The following PSMF1 variants were observed in gnomAD, a reference collection of about 807,000 sequenced individuals.
The protein encoded by PSMF1 is proteasome inhibitor PI31 subunit.
In PSMF1, 30 loss-of-function variants were observed where a neutral mutation model predicts 29.3. The observed-to-expected ratio is 1.02, with a 90% confidence interval of 0.77 to 1.39. The LOEUF is 1.39. Ranked by LOEUF, PSMF1 falls within the 40% of genes most tolerant of loss-of-function variation. The pLI is 0.00. For missense variants in PSMF1, 344 were observed against 357.5 expected (o/e 0.96, Z 0.31); for synonymous variants, 134 against 139.7 (o/e 0.96, Z 0.29).
chr20:1,168,329 T>C lies in PSMF1; in HGVS notation c.*3249T>C, dbSNP rs2122632068. ...ACTTTGGTTTGGTTTGAAATTTCTT[T>C]GTTTATCCAGTGAATTACAAGTAGA... On this transcript the variant is annotated 3_prime_UTR_variant, in exon 7 of 7. Transcript: ENST00000335877. 6.6e-6 allele frequency: 1 copy of C among 152,384 alleles called. No individual in the cohort carries two copies. The highest frequency in any genetic ancestry group is 1.5e-5 in the Non-Finnish European group (1 of 68,044). 9.4% of individuals were successfully genotyped at this position (152,384 alleles called of 1,614,324 possible). A position where few individuals can be genotyped will look rare whatever the true frequency, so the allele number is the denominator to read the frequency against.
At chr20:1,128,741 A>AT (rs2086192526) in intron 3 of PSMF1, among the ~76,000 whole-genome samples, 2 of 151,464 alleles carry the variant, frequency 1.3e-5, no homozygotes, top group African/African-American at 4.9e-5. Flanking sequence ...ATTTTATTTT[A>AT]TTTTTTTGAG....
chr20:1,159,144 G>GTTGAA (rs2086634560), intron 4 of PSMF1, among the ~76,000 whole-genome samples: 1 of 152,026 alleles, frequency 6.6e-6, no homozygotes, highest in African/African-American at 2.4e-5. Context: ...GTGAGTCTTT[G>GTTGAA]TTGAATATGA....
chr20:1,126,409 A>G (rs2086156964), intron 2 of PSMF1, among the ~76,000 whole-genome samples: 1 of 152,128 alleles, frequency 6.6e-6, no homozygotes, highest in African/African-American at 2.4e-5. Flanking sequence ...TGACATGGAA[A>G]TACATATAGA....
intron 3 of PSMF1, 59 bp downstream of exon 3, chr20:1,127,567 T>C (rs567231938): frequency 1.4e-5 from 19 of 1,374,138 alleles, no homozygotes; most frequent in East Asian, 2.3e-5. Flanking sequence ...TGGCAAGATA[T>C]GAGGAATAGG....
chr20:1,122,315 T>A (rs76296624), intron 1 of PSMF1, among the ~76,000 whole-genome samples: 6 of 111,134 alleles, frequency 5.4e-5, no homozygotes, highest in African/African-American at 1.1e-4. Flanking sequence ...TTTTTTTTTT[T>A]AATCCGAGAT....
In PSMF1 at chr20:1,118,689, G is replaced by A. The variant is rs955065051; in HGVS notation, c.-85G>A. On this transcript the variant is annotated 5_prime_UTR_variant, in exon 1 of 7. Coordinates refer to ENST00000335877, the MANE Select transcript of PSMF1 (RefSeq NM_006814.5). ...AGAACCAGCGCAAGAGGGAAGCAGA[G>A]TTATAGCTACCCCGGCCGCGGAGCC... The A allele has an allele frequency of 6.8e-7, 1 of 1,466,068 alleles. No homozygotes were observed. Among genetic ancestry groups the A allele is most frequent in the Non-Finnish European group, 9.2e-7 (1 of 1,081,966 alleles). 90.8% of individuals were successfully genotyped at this position (1,466,068 alleles called of 1,614,324 possible).
chr20:1,136,019 A>G (rs915221430), intron 4 of PSMF1, among the ~76,000 whole-genome samples: 2 of 152,200 alleles, frequency 1.3e-5, no homozygotes, highest in African/African-American at 4.8e-5. Context: ...TAAGCACTTA[A>G]TAAATGTAGA....
At chr20:1,114,578 TTGAAC>T (rs1486895398), upstream of PSMF1, among the ~76,000 whole-genome samples, 7 of 45,910 alleles carry the variant, frequency 1.5e-4, no homozygotes, top group South Asian at 1.0e-3. Context: ...CAAACCAGTG[TTGAAC>T]CAAGGGGTGG....
chr20:1,119,051 C>G (rs1458329059), intron 1 of PSMF1, 149 bp downstream of exon 1: 1 of 1,139,896 alleles, frequency 8.8e-7, no homozygotes, highest in South Asian at 1.5e-5. Context: ...ACCTGCGGGT[C>G]GGAGGTTGCT....
In PSMF1 at chr20:1,163,201, G is replaced by A. The variant is rs1230234398; in HGVS notation, c.605+18G>A. On this transcript the variant is annotated intron_variant, in intron 5 of 6. Transcript: ENST00000335877. The surrounding 1 kb of genome is among the most constrained non-coding windows in gnomAD (Gnocchi z 6.1). ...CCTTTTGGGTGAGTACTGCTGGGGAGGTGGCAGCAACACAACTTGCTTTTG... is the reference window on the plus strand; with the variant it reads ...CCTTTTGGGTGAGTACTGCTGGGGAAGTGGCAGCAACACAACTTGCTTTTG... The A allele has an allele frequency of 2.5e-6, 4 of 1,613,578 alleles. No homozygotes were observed. The highest frequency in any genetic ancestry group is 3.4e-6 in the Non-Finnish European group (4 of 1,179,608).
rs2086776298 is a variant in PSMF1 at position 1,170,196 on chromosome 20, AC to A, written c.*5120del. On this transcript the variant is annotated 3_prime_UTR_variant, in exon 7 of 7. Coordinates refer to ENST00000335877, the MANE Select transcript of PSMF1 (RefSeq NM_006814.5). ...TTACACATGCAGAATCTCAAGCCCCACCCCAGACATTGAATGAGAATCTGCA... is the reference window on the plus strand; with the variant it reads ...TTACACATGCAGAATCTCAAGCCCCACCCAGACATTGAATGAGAATCTGCA... 6.6e-6 allele frequency among the ~76,000 whole-genome samples: 1 copy of A among 152,168 alleles called. No homozygotes were observed. Among genetic ancestry groups the A allele is most frequent in the African/African-American group, 2.4e-5 (1 of 41,444 alleles).
rs6040275 is a variant in PSMF1 at position 1,170,385 on chromosome 20, G to T, written c.*5305G>T. Among the ~76,000 whole-genome samples the T allele has an allele frequency of 6.6e-6, 1 of 152,014 alleles. No individual in the cohort carries two copies. The highest frequency in any genetic ancestry group is 1.5e-5 in the Non-Finnish European group (1 of 68,008). On this transcript the variant is annotated 3_prime_UTR_variant, in exon 7 of 7. Transcript: ENST00000335877. ...TTAATGCATGCATGAACTCTGATTC[G>T]AAGTTTTCGTTGATTTTACCCCCAG... is the stretch of plus-strand genomic sequence containing the variant.
intron 4 of PSMF1, among the ~76,000 whole-genome samples, chr20:1,153,009 C>T (rs544792897): frequency 6.6e-6 from 1 of 152,280 alleles, no homozygotes; most frequent in South Asian, 2.1e-4. Context: ...ACAGATTGCT[C>T]AGTTGCCCTT....
intron 4 of PSMF1, among the ~76,000 whole-genome samples, chr20:1,135,903 G>A (rs956599128): frequency 1.3e-5 from 2 of 152,152 alleles, no homozygotes; most frequent in African/African-American, 2.4e-5. Flanking sequence ...AAGGACCAGG[G>A]GACCCTAGTC....
chr20:1,144,242 A>G (rs949098035), intron 4 of PSMF1, among the ~76,000 whole-genome samples: 6 of 152,262 alleles, frequency 3.9e-5, no homozygotes, highest in Non-Finnish European at 8.8e-5. Flanking sequence ...TTTCACACCT[A>G]TTAGAATAGC....
chr20:1,124,391 C>T (rs1455219714), intron 1 of PSMF1, among the ~76,000 whole-genome samples: 3 of 152,146 alleles, frequency 2.0e-5, no homozygotes. Flanking sequence ...AAGCATTTTA[C>T]CCCTACTAGA....
At chr20:1,135,021 G>C (rs746851911) in intron 3 of PSMF1, 100 bp from the exon 4 acceptor site, 1 of 1,185,994 alleles carries the variant, frequency 8.4e-7, no homozygotes, top group Admixed American at 1.8e-5. Context: ...AATGCCAGGA[G>C]CTATCAGGGC....
rs148156083 is a variant in PSMF1, at chr20:1,164,437, G to T, written c.725G>T (p.Arg242Leu). 6.2e-7 allele frequency: 1 copy of T among 1,614,146 alleles called. No homozygotes were observed. The highest frequency in any genetic ancestry group is 1.7e-5 in the Admixed American group (1 of 60,020). Residue 242 changes from arginine (R) to leucine (L), a missense_variant, in exon 6 of 7, where the codon CGC (arginine) becomes CTC (leucine). Transcript: ENST00000335877. The surrounding 1 kb of genome is among the most constrained non-coding windows in gnomAD (Gnocchi z 4.1). ...LPPGAVPPGA[R>L]FDPFGPIGTS... is the part of the protein sequence containing the mutation. ...CCAGGCGCTGTGCCCCCAGGAGCTC[G>T]CTTTGACCCCTTTGGACCCATTGGG...
chr20:1,127,935 C>T (rs2122478032), intron 3 of PSMF1, among the ~76,000 whole-genome samples: 1 of 152,270 alleles, frequency 6.6e-6, no homozygotes, highest in South Asian at 2.1e-4. Context: ...CCTCCTGCTC[C>T]CATACACCCA....
Sources: gnomAD v4.1 joint callset for allele counts (sites outside exome capture counted in the v4.1 genomes callset) on GRCh38, gnomAD v4.1.1 for gene constraint, Gnocchi (gnomAD v3.1) non-coding constraint, MANE v1.5 for transcripts, NCBI Gene and HGNC (gene_info 2026-07-23, HGNC 2026-07-21) for gene names.